The following WWOX variants were observed in gnomAD, a reference collection of about 807,000 sequenced individuals.
WWOX encodes the protein WW domain-containing oxidoreductase.
WWOX carries 69 observed loss-of-function variants against 46.2 expected under a neutral mutation model. That is an observed-to-expected ratio of 1.49 (90% CI 1.23 to 1.82). WWOX has a LOEUF of 1.82. WWOX is among the 40% of genes most tolerant of loss of function. The pLI, the probability that WWOX is intolerant of heterozygous loss-of-function variation, is 0.00. For missense variants in WWOX, 919 were observed against 542.6 expected, an observed-to-expected ratio of 1.69 and a Z score of -6.89; for synonymous variants, 359 against 202.6, an observed-to-expected ratio of 1.77 and a Z score of -6.56.
At chr16:78,403,310 T>C (rs759299300) in intron 6 of WWOX, among the ~76,000 whole-genome samples, 2 of 152,202 alleles carry the variant, frequency 1.3e-5, no homozygotes, top group Non-Finnish European at 2.9e-5. Context: ...ATAAACTCTC[T>C]TTGCATGATG....
intron 5 of WWOX, among the ~76,000 whole-genome samples, chr16:78,358,927 G>GTT (rs1164834231): frequency 8.3e-6 from 1 of 120,758 alleles, no homozygotes; most frequent in Non-Finnish European, 1.6e-5. Context: ...AATACATACT[G>GTT]TTTGGCAGTA....
At chr16:78,803,116 A>G (rs1433689851) in intron 8 of WWOX, among the ~76,000 whole-genome samples, 1 of 151,716 alleles carries the variant, frequency 6.6e-6, no homozygotes, top group Non-Finnish European at 1.5e-5. Context: ...AATATCAATT[A>G]TATATAAATT....
intron 5 of WWOX, among the ~76,000 whole-genome samples, chr16:78,243,708 G>A (rs1461581693): frequency 1.3e-5 from 2 of 152,122 alleles, no homozygotes; most frequent in African/African-American, 4.8e-5. Flanking sequence ...CACCATGCCC[G>A]GCTAAGTTTT....
intron 8 of WWOX, among the ~76,000 whole-genome samples, chr16:78,996,658 A>T (rs368692796): frequency 6.6e-6 from 1 of 152,082 alleles, no homozygotes; most frequent in Non-Finnish European, 1.5e-5. Flanking sequence ...TGTGCTCTAC[A>T]TCCCCCCAAA....
intron 8 of WWOX, among the ~76,000 whole-genome samples, chr16:78,881,288 G>A (rs550632181): frequency 1.3e-5 from 2 of 152,304 alleles, no homozygotes; most frequent in African/African-American, 2.4e-5. Flanking sequence ...ACAGGCATGA[G>A]CCACTGTGCC....
chr16:78,846,725 G>A (rs901609681), intron 8 of WWOX, among the ~76,000 whole-genome samples: 1 of 152,066 alleles, frequency 6.6e-6, no homozygotes, highest in Admixed American at 6.6e-5. Flanking sequence ...ATATATTGGG[G>A]GAGGTACTTT....
chr16:78,186,193 G>A (rs1226443122), intron 5 of WWOX, among the ~76,000 whole-genome samples: 4 of 151,406 alleles, frequency 2.6e-5, no homozygotes, highest in African/African-American at 9.7e-5. Context: ...AGACATACTA[G>A]GTTAAATAAA....
At chr16:78,311,261 C>G (rs2080237476) in intron 5 of WWOX, among the ~76,000 whole-genome samples, 6 of 152,044 alleles carry the variant, frequency 3.9e-5, no homozygotes. Flanking sequence ...ATGTCTTCAG[C>G]CAATTTTTTT....
Position 78,338,069 on chromosome 16 carries a change from C to G in WWOX, c.517-48791C>G, listed in dbSNP as rs1431520249. 1.7e-5 allele frequency among the ~76,000 whole-genome samples: 2 copies of G among 120,780 alleles called. 1 individual carries two copies. Among genetic ancestry groups the G allele is most frequent in the African/African-American group, 5.6e-5 (2 of 35,580 alleles). 79.2% of individuals were successfully genotyped at this position (120,780 alleles called of 152,430 possible). A position where few individuals can be genotyped will look rare whatever the true frequency, so the allele number is the denominator to read the frequency against. Reference sequence around the variant, plus strand: ...ATTATTTTTATCAAACATGACAGATCAAAAGCCTTCTGGAAAGGAGAGATG... The same window carrying G: ...ATTATTTTTATCAAACATGACAGATGAAAAGCCTTCTGGAAAGGAGAGATG... On this transcript the variant is annotated intron_variant, in intron 5 of 8. Coordinates refer to ENST00000566780, the MANE Select transcript of WWOX (RefSeq NM_016373.4).
intron 8 of WWOX, among the ~76,000 whole-genome samples, chr16:79,049,056 T>C (rs546999247): frequency 6.6e-6 from 1 of 152,324 alleles, no homozygotes; most frequent in Non-Finnish European, 1.5e-5. Context: ...GCGACAAGGT[T>C]TCTATCCTCT....
intron 4 of WWOX, among the ~76,000 whole-genome samples, chr16:78,136,028 A>G (rs913528685): frequency 1.3e-5 from 2 of 152,278 alleles, no homozygotes; most frequent in Admixed American, 6.5e-5. Flanking sequence ...TGGAAATGGC[A>G]TCCGATTTTC....
At chr16:78,782,746 C>T (rs938979524) in intron 8 of WWOX, among the ~76,000 whole-genome samples, 22 of 146,544 alleles carry the variant, frequency 1.5e-4, no homozygotes, top group African/African-American at 5.0e-4. Context: ...AACATTATTA[C>T]ATCATTACAG....
At chr16:78,962,001 T>A (rs11645925) in intron 8 of WWOX, among the ~76,000 whole-genome samples, 2 of 152,046 alleles carry the variant, frequency 1.3e-5, no homozygotes, top group Non-Finnish European at 2.9e-5. Context: ...TTGTCTCTTG[T>A]CAGGACCTCC....
chr16:78,387,797 C>G (rs924133403), intron 6 of WWOX, among the ~76,000 whole-genome samples: 1 of 151,778 alleles, frequency 6.6e-6, no homozygotes, highest in African/African-American at 2.4e-5. Context: ...TTTTCAGTGA[C>G]TTGATTCAAA....
intron 8 of WWOX, among the ~76,000 whole-genome samples, chr16:78,968,476 C>A (rs559991451): frequency 8.9e-4 from 136 of 152,316 alleles, no homozygotes; most frequent in African/African-American, 2.9e-3. Flanking sequence ...AGATGGCAGT[C>A]TTCATCGTGG....
chr16:78,815,233 G>C (rs756504857), intron 8 of WWOX, among the ~76,000 whole-genome samples: 1 of 151,994 alleles, frequency 6.6e-6, no homozygotes, highest in African/African-American at 2.4e-5. Flanking sequence ...GTTGAGACAG[G>C]AGATTTCCTT....
intron 8 of WWOX, among the ~76,000 whole-genome samples, chr16:78,931,180 G>A (rs534921140): frequency 3.9e-5 from 6 of 152,146 alleles, no homozygotes; most frequent in South Asian, 2.1e-4. Flanking sequence ...ACGCACATCC[G>A]TAGACAGTTA....
intron 8 of WWOX, among the ~76,000 whole-genome samples, chr16:79,008,480 T>A (rs1192475200): frequency 6.6e-6 from 1 of 152,178 alleles, no homozygotes; most frequent in Admixed American, 6.5e-5. Context: ...ATATTCACAG[T>A]TGCCGCCCAC....
At chr16:78,883,765 A>G (rs2044393299) in intron 8 of WWOX, among the ~76,000 whole-genome samples, 2 of 152,034 alleles carry the variant, frequency 1.3e-5, no homozygotes, top group Admixed American at 1.3e-4. Context: ...TAAGCGTACC[A>G]TGGTCATGTG....
Sources: allele counts gnomAD v4.1 joint callset (sites outside exome capture counted in the v4.1 genomes callset), GRCh38; gene constraint gnomAD v4.1.1; transcripts MANE v1.5; gene names NCBI Gene and HGNC (gene_info 2026-07-23, HGNC 2026-07-21).